PAX4: variants seen among roughly 807,000 people sequenced by gnomAD.
PAX4 encodes the protein paired box protein Pax-4.
Under a neutral mutation model 40.6 loss-of-function variants are expected in PAX4, and 33 were observed. That is an observed-to-expected ratio of 0.81 (90% CI 0.62 to 1.09). The LOEUF (loss-of-function observed/expected upper bound fraction) is 1.09, where lower values mean the gene tolerates loss of function less well. Ranked by LOEUF, PAX4 falls within the 50% of genes least tolerant of loss-of-function variation. The pLI is 0.00. For synonymous variants in PAX4, 174 were observed against 170.6 expected, an observed-to-expected ratio of 1.02 and a Z score of -0.16; for missense variants, 459 against 442.5, an observed-to-expected ratio of 1.04 and a Z score of -0.33.
rs117823055 is a variant in PAX4, at chr7:127,612,042, G to A, written c.716-42C>T. Reference sequence around the variant, plus strand: ...AATCCACTCAGAAGGAGGAATTGGGGTTAGGGACGGGAGGAGTGTGGTGAG... The same window carrying A: ...AATCCACTCAGAAGGAGGAATTGGGATTAGGGACGGGAGGAGTGTGGTGAG... On this transcript the variant is annotated intron_variant, in intron 9 of 11. Coordinates refer to ENST00000639438, the MANE Select transcript of PAX4 (RefSeq NM_001366110.1). The A allele has an allele frequency of 8.5e-3, 13,544 of 1,594,402 alleles. 81 individuals carry two copies. The highest frequency in any genetic ancestry group is 0.014 in the Middle Eastern group (84 of 6,040).
rs548291523 is a variant in PAX4 at position 127,617,390 on chromosome 7, C to G, written c.-215G>C. On this transcript the variant is annotated 5_prime_UTR_variant, in exon 2 of 12. Transcript: ENST00000639438. The stretch of plus-strand genomic sequence containing the variant: ...ACTGAGGCACAGATTGGCATTGCCA[C>G]AAGTCAGGGGCTGTCCAGAGAGTAA... 2 of 152,266 alleles carry G rather than the reference C, an allele frequency of 1.3e-5. No individual in the cohort carries two copies. The highest frequency in any genetic ancestry group is 1.3e-4 in the Admixed American group (2 of 15,292). 9.4% of individuals were successfully genotyped at this position (152,266 alleles called of 1,614,324 possible).
chr7:127,614,415 G>T, intron 6 of PAX4, 67 bp downstream of exon 6: 1 of 1,259,274 alleles, frequency 7.9e-7, no homozygotes, highest in Non-Finnish European at 1.1e-6. Context: ...ACGAGAAAGG[G>T]CTTTGAGAAC....
chr7:127,611,763 A>C, intron 10 of PAX4, 87 bp from the exon 11 acceptor site: 1 of 1,602,208 alleles, frequency 6.2e-7, no homozygotes. Context: ...CCTGCCACCC[A>C]AGTAGTATCC....
intron 6 of PAX4, among the ~76,000 whole-genome samples, chr7:127,614,206 C>T (rs1277833811): frequency 6.6e-6 from 1 of 152,010 alleles, no homozygotes; most frequent in African/African-American, 2.4e-5. Flanking sequence ...GAGATGCAGT[C>T]CTGCCTCTTC....
chr7:127,612,976 G>A, intron 9 of PAX4, 46 bp downstream of exon 9: 1 of 1,382,292 alleles, frequency 7.2e-7, no homozygotes, highest in South Asian at 1.2e-5. Flanking sequence ...TGGATGGATG[G>A]ATAGATGACT....
In PAX4 at chr7:127,612,898, A is replaced by C. The variant is rs1436655283; in HGVS notation, c.715+124T>G. On this transcript the variant is annotated intron_variant, in intron 9 of 11. Transcript: ENST00000639438. Reference sequence around the variant, plus strand: ...GATGAATGGATGAATGGATGGATGGATACATGGGTGGATGGATAAATGGAT... The same window carrying C: ...GATGAATGGATGAATGGATGGATGGCTACATGGGTGGATGGATAAATGGAT... 8.1e-6 allele frequency: 6 copies of C among 741,712 alleles called. No individual in the cohort carries two copies. The African/African-American group carries it at 1.0e-4, about 13-fold the overall frequency. 45.9% of individuals were successfully genotyped at this position (741,712 alleles called of 1,614,324 possible).
chr7:127,615,202 C>A (rs1235899716), intron 4 of PAX4, 107 bp from the exon 5 acceptor site: 1 of 1,601,408 alleles, frequency 6.2e-7, no homozygotes, highest in East Asian at 2.2e-5. Flanking sequence ...CTTACTGGAC[C>A]AGGCCATGAA....
chr7:127,613,854 G>A lies in PAX4; in HGVS notation c.464C>T (p.Pro155Leu), dbSNP rs2116138040. The change falls in exon 7 of 12, where the codon CCC becomes CTC. Residue 155 changes from proline to leucine, a missense_variant. Pro to Leu is a moderately conservative substitution (Grantham distance 98, BLOSUM62 -3). Coordinates refer to ENST00000639438, the MANE Select transcript of PAX4 (RefSeq NM_001366110.1). Reference sequence around the variant, plus strand: ...CCGGGGAGTCTCAGAGCCACTATGGGGAGTGAGGACAGCTGGAGCCAAAAC... The same window carrying A: ...CCGGGGAGTCTCAGAGCCACTATGGAGAGTGAGGACAGCTGGAGCCAAAAC... ...PAVLAPAVLT[P>L]HSGSETPRGT... 1 of 1,614,020 alleles carries A rather than the reference G, an allele frequency of 6.2e-7. No individual in the cohort carries two copies. The highest frequency in any genetic ancestry group is 2.2e-5 in the East Asian group (1 of 44,858).
chr7:127,611,285 A>G (rs1587548526), intron 11 of PAX4, 79 bp from the exon 12 acceptor site: 1 of 1,394,148 alleles, frequency 7.2e-7, no homozygotes, highest in East Asian at 2.4e-5. Flanking sequence ...AGAGGCTGAG[A>G]CATCAGTTTC....
chr7:127,617,942 T>G lies in PAX4; in HGVS notation c.-226+20A>C, dbSNP rs1318370436. On this transcript the variant is annotated intron_variant, in intron 1 of 11. Transcript: ENST00000639438. Reference sequence around the variant, plus strand: ...ACAGCATGAGAGGCAGGGCAGACAATGAGCCTGCAGGTGAGCTACCTGTGT... The same window carrying G: ...ACAGCATGAGAGGCAGGGCAGACAAGGAGCCTGCAGGTGAGCTACCTGTGT... 1.3e-5 allele frequency: 2 copies of G among 152,068 alleles called. No homozygotes were observed. The highest frequency in any genetic ancestry group is 4.8e-5 in the African/African-American group (2 of 41,346). 9.4% of individuals were successfully genotyped at this position (152,068 alleles called of 1,614,324 possible).
intron 3 of PAX4, 152 bp from the exon 4 acceptor site, chr7:127,615,683 C>A: frequency 6.5e-7 from 1 of 1,536,308 alleles, no homozygotes; most frequent in East Asian, 2.4e-5. Flanking sequence ...AGGCTGTCAA[C>A]GCAAGCTGCT....
intron 2 of PAX4, among the ~76,000 whole-genome samples, chr7:127,616,529 T>C (rs1794726528): frequency 6.6e-6 from 1 of 152,174 alleles, no homozygotes; most frequent in Non-Finnish European, 1.5e-5. Flanking sequence ...TGTTTTTTTA[T>C]ACTCTCCAGG....
chr7:127,610,804 T>G lies in PAX4; in HGVS notation c.*260A>C. The G allele has an allele frequency of 7.2e-7, 1 of 1,394,422 alleles. No homozygotes were observed. Among genetic ancestry groups the G allele is most frequent in the Non-Finnish European group, 9.8e-7 (1 of 1,017,582 alleles). The allele number at this position is 1,394,422 out of a possible 1,614,324, so 86.4% of individuals were successfully genotyped here. A position where few individuals can be genotyped will look rare whatever the true frequency, so the allele number is the denominator to read the frequency against. On this transcript the variant is annotated 3_prime_UTR_variant, in exon 12 of 12. Coordinates refer to ENST00000639438, the MANE Select transcript of PAX4 (RefSeq NM_001366110.1). ...AAAACATGATGGACAACAGAACTAC[T>G]GCTAATAAAAACAGCTTTTATTACT...
At chr7:127,615,619 GC>G (rs1794712673) in intron 3 of PAX4, 88 bp from the exon 4 acceptor site, 1 of 1,604,836 alleles carries the variant, frequency 6.2e-7, no homozygotes, top group African/African-American at 1.3e-5. Context: ...CTCCAGCCTG[GC>G]TTCCCACCAC....
At position 127,610,341 on chromosome 7, in the gene PAX4, C is replaced by T. The variant is rs776469032; in HGVS notation, c.*723G>A. The T allele has an allele frequency of 1.9e-5, 3 of 155,372 alleles. No homozygotes were observed. Among genetic ancestry groups the T allele is most frequent in the Non-Finnish European group, 2.9e-5 (2 of 70,108 alleles). 9.6% of individuals were successfully genotyped at this position (155,372 alleles called of 1,614,324 possible). A position where few individuals can be genotyped will look rare whatever the true frequency, so the allele number is the denominator to read the frequency against. On this transcript the variant is annotated 3_prime_UTR_variant, in exon 12 of 12. Coordinates refer to ENST00000639438, the MANE Select transcript of PAX4 (RefSeq NM_001366110.1). ...TCTGTTTGCTGCTATGACAAAAATA[C>T]ATATGCAAATACAAAATACATATGC... is the stretch of plus-strand genomic sequence containing the variant.
In PAX4 at chr7:127,610,379, CATATGACAAAATACAT is replaced by C. The variant is rs1794597423; in HGVS notation, c.*669_*684del. 1 of 155,614 alleles carries C rather than the reference CATATGACAAAATACAT, an allele frequency of 6.4e-6. No individual in the cohort carries two copies. The highest frequency in any genetic ancestry group is 2.5e-5 in the African/African-American group (1 of 40,322). 9.6% of individuals were successfully genotyped at this position (155,614 alleles called of 1,614,324 possible). On this transcript the variant is annotated 3_prime_UTR_variant, in exon 12 of 12. Transcript: ENST00000639438. The stretch of plus-strand genomic sequence containing the variant: ...AAAATACATATGCAAATACAAAATA[CATATGACAAAATACAT>C]ATGACAAAAATACATAATTTTCTTA...
Position 127,615,080 on chromosome 7 carries a change from C to T in PAX4, c.160G>A (p.Val54Met). 1 of 1,614,192 alleles carries T rather than the reference C, an allele frequency of 6.2e-7. No homozygotes were observed. The highest frequency in any genetic ancestry group is 8.5e-7 in the Non-Finnish European group (1 of 1,180,044). ...SRILKVSNGC[V>M]SKILGRYYRT... ...TAGTAACGCCCTAGGATCTTGCTCACACAGCCATTAGATACCTGAGTCAGG... is the reference window on the plus strand; with the variant it reads ...TAGTAACGCCCTAGGATCTTGCTCATACAGCCATTAGATACCTGAGTCAGG... The change falls in exon 5 of 12, where the codon GTG becomes ATG. Residue 54 changes from valine (V) to methionine (M), a missense_variant. Physicochemically the swap from Val to Met is conservative, Grantham distance 21. Transcript: ENST00000639438.
intron 9 of PAX4, 118 bp from the exon 10 acceptor site, chr7:127,612,118 G>T: frequency 1.1e-6 from 1 of 923,458 alleles, no homozygotes; most frequent in Non-Finnish European, 1.7e-6. Context: ...GCCACTTCTT[G>T]CAGGGGTGTG....
At position 127,613,787 on chromosome 7, in the gene PAX4, G is replaced by C; in HGVS notation, c.531C>G (p.Phe177Leu). 1 of 1,614,068 alleles carries C rather than the reference G, an allele frequency of 6.2e-7. No homozygotes were observed. The highest frequency in any genetic ancestry group is 8.5e-7 in the Non-Finnish European group (1 of 1,180,020). ...PGTGHRNRTI[F>L]SPSQAEALEK... ...CCAGTGCCTCTGCTTGGCTTGGGGA[G>C]AAGATAGTCCGATTCCGGTGGCCGG... Residue 177 changes from phenylalanine to leucine, a missense_variant, in exon 7 of 12, where the codon TTC (phenylalanine) becomes TTG (leucine). Physicochemically the swap from Phe to Leu is conservative, Grantham distance 22. Transcript: ENST00000639438.
Sources: gnomAD v4.1 joint callset for allele counts (sites outside exome capture counted in the v4.1 genomes callset) on GRCh38, gnomAD v4.1.1 for gene constraint, MANE v1.5 for transcripts, NCBI Gene and HGNC (gene_info 2026-07-23, HGNC 2026-07-21) for gene names.